Variants in RBFOX1 observed in about 807,000 individuals in gnomAD.
RBFOX1 encodes the protein RNA binding fox-1 homolog 1.
In RBFOX1, 8 loss-of-function variants were observed where a neutral mutation model predicts 57.7. The observed-to-expected ratio is 0.14, with a 90% CI of 0.08 to 0.25. The LOEUF is 0.25. Ranked by LOEUF, RBFOX1 falls within the 10% of genes least tolerant of loss-of-function variation. The pLI is 1.00. For synonymous variants in RBFOX1, 326 were observed against 222.4 expected, an observed-to-expected ratio of 1.47 and a Z score of -4.15; for missense variants, 611 against 548.5, an observed-to-expected ratio of 1.11 and a Z score of -1.14.
intron 2 of RBFOX1, among the ~76,000 whole-genome samples, chr16:6,487,700 AATATATATATATATATATATATAT>A (rs1277585706): frequency 8.6e-4 from 14 of 16,272 alleles, no homozygotes; most frequent in African/African-American, 1.5e-3. Context: ...AAAAAAAAAA[AATATATATATATATATATATATAT>A]ATATATATAT....
At chr16:5,565,624 T>TTATG (rs1555466578) in intron 2 of RBFOX1, among the ~76,000 whole-genome samples, 2 of 111,662 alleles carry the variant, frequency 1.8e-5, no homozygotes, top group African/African-American at 7.2e-5. Context: ...AAACTCTGCC[T>TTATG]TACATAAATA....
chr16:6,731,709 C>T (rs2068651994), intron 3 of RBFOX1, among the ~76,000 whole-genome samples: 1 of 152,090 alleles, frequency 6.6e-6, no homozygotes, highest in Admixed American at 6.5e-5. Flanking sequence ...CATGACTAGG[C>T]TCATTGTATA....
chr16:7,656,255 G>T (rs1467126211), intron 12 of RBFOX1, among the ~76,000 whole-genome samples: 1 of 152,196 alleles, frequency 6.6e-6, no homozygotes, highest in African/African-American at 2.4e-5. Context: ...TCGTCTTGTT[G>T]CCTGGGTGTT....
At chr16:7,477,374 T>G (rs1025888264) in intron 4 of RBFOX1, among the ~76,000 whole-genome samples, 12 of 152,288 alleles carry the variant, frequency 7.9e-5, no homozygotes, top group African/African-American at 2.4e-4. Flanking sequence ...TGGGCTCCAG[T>G]TTGGGTCTAT....
At chr16:5,328,657 C>T (rs1021508990) in intron 1 of RBFOX1, among the ~76,000 whole-genome samples, 1 of 152,212 alleles carries the variant, frequency 6.6e-6, no homozygotes, top group Admixed American at 6.5e-5. Flanking sequence ...ATGAGATGCT[C>T]TCCAGCCCTG....
intron 3 of RBFOX1, among the ~76,000 whole-genome samples, chr16:5,733,349 G>C (rs1022974853): frequency 6.6e-6 from 1 of 152,140 alleles, no homozygotes; most frequent in Non-Finnish European, 1.5e-5. Flanking sequence ...GCAGCCATGG[G>C]GGTCCAGGAA....
intron 2 of RBFOX1, among the ~76,000 whole-genome samples, chr16:6,478,736 G>A (rs933817961): frequency 3.9e-5 from 6 of 151,912 alleles, no homozygotes; most frequent in Non-Finnish European, 5.9e-5. Context: ...GAGAGGGAGC[G>A]AGCAGGGGGA....
chr16:6,038,183 G>GC (rs1555483263), intron 1 of RBFOX1: 2 of 143,244 alleles, frequency 1.4e-5, no homozygotes, highest in African/African-American at 5.1e-5. Flanking sequence ...TATTTTATTA[G>GC]TTTTTTTTTT....
chr16:6,749,466 G>T (rs995885267), intron 3 of RBFOX1, among the ~76,000 whole-genome samples: 7 of 152,150 alleles, frequency 4.6e-5, no homozygotes, highest in Non-Finnish European at 7.4e-5. Flanking sequence ...CGTCCGGGGA[G>T]GTAGGACTCA....
At chr16:6,999,212 A>ATTCTT (rs2092558045) in intron 3 of RBFOX1, among the ~76,000 whole-genome samples, 1 of 117,692 alleles carries the variant, frequency 8.5e-6, no homozygotes, top group Non-Finnish European at 1.9e-5. Context: ...TTTTATTTTT[A>ATTCTT]TTTATTTTTT....
At chr16:6,072,463 A>C (rs747338833) in intron 1 of RBFOX1, among the ~76,000 whole-genome samples, 2 of 152,150 alleles carry the variant, frequency 1.3e-5, no homozygotes, top group Non-Finnish European at 2.9e-5. Context: ...TTGTATATGT[A>C]CCCAGAAGTC....
intron 3 of RBFOX1, among the ~76,000 whole-genome samples, chr16:5,668,372 A>G (rs1360767113): frequency 1.3e-5 from 2 of 152,228 alleles, no homozygotes; most frequent in Non-Finnish European, 2.9e-5. Context: ...GAAGCAAAAA[A>G]TCATCTCTTT....
chr16:5,479,018 A>G (rs2069428316), intron 2 of RBFOX1, among the ~76,000 whole-genome samples: 1 of 152,104 alleles, frequency 6.6e-6, no homozygotes, highest in South Asian at 2.1e-4. Flanking sequence ...TCCTTTTATT[A>G]ATTTCCTCAC....
At chr16:7,567,687 A>G in intron 5 of RBFOX1, among the ~76,000 whole-genome samples, 2 of 134,350 alleles carry the variant, frequency 1.5e-5, no homozygotes, top group East Asian at 4.8e-4. Flanking sequence ...CCCTATATAG[A>G]TATATATCCC....
chr16:6,177,041 T>C (rs1160127543), intron 1 of RBFOX1, among the ~76,000 whole-genome samples: 1 of 152,212 alleles, frequency 6.6e-6, no homozygotes, highest in Non-Finnish European at 1.5e-5. Flanking sequence ...CATTCATTTA[T>C]TTCAGCAACT....
In RBFOX1 at chr16:6,658,260, C is replaced by A. The variant is rs560557468; in HGVS notation, c.-16+3610C>A. Reference sequence around the variant, plus strand: ...AGCCTTCATTTTTTTTTTTTTTTAACAGTCTCCCTCTGTCTCAAATCTGGA... The same window carrying A: ...AGCCTTCATTTTTTTTTTTTTTTAAAAGTCTCCCTCTGTCTCAAATCTGGA... On this transcript the variant is annotated intron_variant, in intron 3 of 15. Coordinates refer to ENST00000550418, the MANE Select transcript of RBFOX1 (RefSeq NM_018723.4). Among the ~76,000 whole-genome samples, 1,219 of 147,302 alleles carry A rather than the reference C, an allele frequency of 8.3e-3. 23 individuals are homozygous for A. Among genetic ancestry groups the A allele is most frequent in the African/African-American group, 0.029 (1,155 of 39,572 alleles).
At chr16:6,112,235 C>G (rs935145179) in intron 1 of RBFOX1, among the ~76,000 whole-genome samples, 1 of 152,036 alleles carries the variant, frequency 6.6e-6, no homozygotes, top group Admixed American at 6.6e-5. Flanking sequence ...GGATGAAATG[C>G]AGGTAGGAAT....
rs531873143 is a variant in RBFOX1 at position 6,622,249 on chromosome 16, G to A, written c.-63-32354G>A. The stretch of plus-strand genomic sequence containing the variant: ...TTCTGCACCACATAATGACGTTTCA[G>A]TCAACAGCAGACTACATATATGACT... On this transcript the variant is annotated intron_variant, in intron 2 of 15. Transcript: ENST00000550418. 3.2e-4 allele frequency among the ~76,000 whole-genome samples: 49 copies of A among 152,296 alleles called. 2 individuals are homozygous for A. The South Asian group carries it at 0.01, about 32-fold the overall frequency.
At chr16:7,512,050 A>T (rs1212007153) in intron 4 of RBFOX1, among the ~76,000 whole-genome samples, 4 of 152,096 alleles carry the variant, frequency 2.6e-5, no homozygotes, top group Non-Finnish European at 5.9e-5. Flanking sequence ...GAACACCCAC[A>T]AGCACCCTGA....
Sources: gnomAD v4.1 joint callset for allele counts (sites outside exome capture counted in the v4.1 genomes callset) on GRCh38, gnomAD v4.1.1 for gene constraint, MANE v1.5 for transcripts, NCBI Gene and HGNC (gene_info 2026-07-23, HGNC 2026-07-21) for gene names.